TPTE2: variants seen among roughly 807,000 people sequenced by gnomAD.
TPTE2 encodes transmembrane phosphoinositide 3-phosphatase and tensin homolog 2.
Under a neutral mutation model 78.6 loss-of-function variants are expected in TPTE2, and 53 were observed. The ratio of observed to expected loss-of-function variants is 0.67; its 90% CI spans 0.54 to 0.85. TPTE2 has a LOEUF of 0.85. Ranked by LOEUF, TPTE2 falls within the 40% of genes least tolerant of loss-of-function variation. TPTE2 has a pLI of 0.00. For synonymous variants in TPTE2, 175 were observed against 206.2 expected, an observed-to-expected ratio of 0.85 and a Z score of 1.30; for missense variants, 461 against 623.0, an observed-to-expected ratio of 0.74 and a Z score of 2.77.
chr13:19,559,818 C>T, the TPTE2 span, among the ~76,000 whole-genome samples: 2 of 103,640 alleles, frequency 1.9e-5, no homozygotes, highest in East Asian at 7.5e-4. Flanking sequence ...AGCCCGGACA[C>T]ACGTTTCCAG....
At chr13:19,506,408 C>CAA (rs1869048148), upstream of TPTE2, among the ~76,000 whole-genome samples, 1 of 151,504 alleles carries the variant, frequency 6.6e-6, no homozygotes, top group Non-Finnish European at 1.5e-5. Context: ...CTCCTGACCT[C>CAA]GTGATCCGCC....
chr13:19,552,009 G>T, the TPTE2 span, among the ~76,000 whole-genome samples: 1 of 152,176 alleles, frequency 6.6e-6, no homozygotes, highest in African/African-American at 2.4e-5. Flanking sequence ...TTTAGGAAGA[G>T]ATAACATCTC....
intron 1 of TPTE2, among the ~76,000 whole-genome samples, chr13:19,494,430 A>C (rs1226337009): frequency 2.6e-5 from 4 of 151,688 alleles, no homozygotes; most frequent in African/African-American, 9.7e-5. Context: ...TTTTTGCAAC[A>C]AAGTTTCGCT....
chr13:19,496,697 A>G (rs1021493604), intron 1 of TPTE2, among the ~76,000 whole-genome samples: 2 of 151,828 alleles, frequency 1.3e-5, no homozygotes, highest in Admixed American at 6.6e-5. Flanking sequence ...TCTCCTCCAT[A>G]TTGCAAATAG....
chr13:19,485,058 T>C lies in TPTE2; in HGVS notation c.120-2511A>G, dbSNP rs1880582580. Among the ~76,000 whole-genome samples the C allele has an allele frequency of 1.3e-5, 2 of 152,192 alleles. 1 individual carries two copies. Among genetic ancestry groups the C allele is most frequent in the Admixed American group, 1.3e-4 (2 of 15,276 alleles). On this transcript the variant is annotated intron_variant, in intron 3 of 19. Transcript: ENST00000400230. ...GTTTTGTATATGTTTTATTCCTTTC[T>C]TCCTGTTTACTTTTGAAGTTGGGTA...
intron 13 of TPTE2, among the ~76,000 whole-genome samples, chr13:19,447,694 C>T (rs372468196): frequency 6.6e-6 from 1 of 151,978 alleles, no homozygotes; most frequent in African/African-American, 2.4e-5. Flanking sequence ...TCATTTAGAG[C>T]CCACTAAAAA....
the TPTE2 span, among the ~76,000 whole-genome samples, chr13:19,544,060 C>CAA: frequency 0.05 from 1,590 of 31,880 alleles, 210 homozygotes; most frequent in Middle Eastern, 0.1. Flanking sequence ...GAACCTGTCT[C>CAA]AAAAAAAAAA....
chr13:19,560,882 C>G, the TPTE2 span: 2 of 1,572,020 alleles, frequency 1.3e-6, no homozygotes, highest in African/African-American at 2.7e-5. Flanking sequence ...CTTGCGTCTC[C>G]GCTTGGTGAT....
chr13:19,458,576 G>C (rs1339595174), intron 10 of TPTE2: 1 of 442,626 alleles, frequency 2.3e-6, no homozygotes, highest in Admixed American at 2.4e-5. Context: ...CTCTGTGTAA[G>C]ATAATCCAAT....
chr13:19,444,132 C>T (rs559791054), intron 13 of TPTE2, among the ~76,000 whole-genome samples: 125 of 150,830 alleles, frequency 8.3e-4, no homozygotes, highest in Non-Finnish European at 1.2e-3. Flanking sequence ...TAGCGAAACC[C>T]CATCTCTACA....
rs184310050 is a variant in TPTE2 at position 19,437,364 on chromosome 13, A to G, written c.1035+728T>C. Among the ~76,000 whole-genome samples the G allele has an allele frequency of 9.6e-3, 1,467 of 152,344 alleles. 10 individuals carry two copies. The highest frequency in any genetic ancestry group is 0.017 in the Non-Finnish European group (1,127 of 68,026). On this transcript the variant is annotated intron_variant, in intron 14 of 19. Coordinates refer to ENST00000400230, the Ensembl canonical transcript of TPTE2. ...GAAATGGTAGCATCTCAGCAAGAAA[A>G]TGGCAGAAAGAAAAATGACTGAGAA...
chr13:19,502,979 C>T (rs1293477302), intron 1 of TPTE2, among the ~76,000 whole-genome samples: 1 of 152,088 alleles, frequency 6.6e-6, no homozygotes, highest in Non-Finnish European at 1.5e-5. Context: ...CCTACAAAGG[C>T]TACATTGAAA....
At chr13:19,544,589 T>C in the TPTE2 span, among the ~76,000 whole-genome samples, 5 of 152,202 alleles carry the variant, frequency 3.3e-5, no homozygotes, top group African/African-American at 1.2e-4. Context: ...CATTCTAAGT[T>C]ATCATATTAA....
At chr13:19,433,678 G>T (rs540236980) in intron 15 of TPTE2, among the ~76,000 whole-genome samples, 1 of 152,226 alleles carries the variant, frequency 6.6e-6, no homozygotes, top group Non-Finnish European at 1.5e-5. Flanking sequence ...CAGTAGAATG[G>T]CCCACAATGC....
chr13:19,490,936 G>A (rs1184100417), intron 3 of TPTE2, among the ~76,000 whole-genome samples: 1 of 152,144 alleles, frequency 6.6e-6, no homozygotes, highest in Non-Finnish European at 1.5e-5. Context: ...AGGTTTCAGG[G>A]TGCTGCTAAA....
intron 4 of TPTE2, among the ~76,000 whole-genome samples, chr13:19,476,464 A>C (rs1879945853): frequency 6.6e-6 from 1 of 151,946 alleles, no homozygotes; most frequent in Non-Finnish European, 1.5e-5. Context: ...AGAGCCATTA[A>C]TCCTAAGACA....
At chr13:19,438,559 T>C (rs1050370161) in intron 13 of TPTE2, 2 of 345,900 alleles carry the variant, frequency 5.8e-6, no homozygotes, top group Non-Finnish European at 8.1e-6. Context: ...TTTACACCAG[T>C]CTCACATATA....
At chr13:19,557,823 CT>C in the TPTE2 span, among the ~76,000 whole-genome samples, 1 of 151,680 alleles carries the variant, frequency 6.6e-6, no homozygotes, top group Admixed American at 6.6e-5. Context: ...TAGTTATTCT[CT>C]TTTTTTTCAA....
chr13:19,461,092 A>AAT (rs890237653), intron 10 of TPTE2, among the ~76,000 whole-genome samples: 1 of 152,056 alleles, frequency 6.6e-6, no homozygotes, highest in African/African-American at 2.4e-5. Flanking sequence ...GGGTAGAAGT[A>AAT]ATATATAATT....
Sources: gnomAD v4.1 joint callset for allele counts (sites outside exome capture counted in the v4.1 genomes callset) on GRCh38, gnomAD v4.1.1 for gene constraint, MANE v1.5 for transcripts, NCBI Gene and HGNC (gene_info 2026-07-23, HGNC 2026-07-21) for gene names.